Variants in INSYN2B observed in about 807,000 individuals in gnomAD.
INSYN2B encodes protein INSYN2B.
Under a neutral mutation model 41.2 loss-of-function variants are expected in INSYN2B, and 16 were observed. The observed-to-expected ratio is 0.39, with a 90% CI of 0.26 to 0.59. The LOEUF (loss-of-function observed/expected upper bound fraction) is 0.59. Ranked by LOEUF, INSYN2B falls within the 20% of genes least tolerant of loss-of-function variation. INSYN2B has a pLI of 0.57. For missense variants in INSYN2B, 608 were observed against 646.4 expected, an observed-to-expected ratio of 0.94 and a Z score of 0.64; for synonymous variants, 245 against 244.4, an observed-to-expected ratio of 1.00 and a Z score of -0.02.
At chr5:169,915,805 A>T (rs375245079) in intron 1 of INSYN2B, among the ~76,000 whole-genome samples, 1 of 152,212 alleles carries the variant, frequency 6.6e-6, no homozygotes, top group East Asian at 1.9e-4. Context: ...GATATCCCAA[A>T]ACTGAGCTGG....
At chr5:169,869,073 A>T (rs1324654657) in intron 3 of INSYN2B, among the ~76,000 whole-genome samples, 2 of 152,124 alleles carry the variant, frequency 1.3e-5, no homozygotes, top group Admixed American at 6.5e-5. Flanking sequence ...AGCTGAAATC[A>T]CTGCACATGG....
intron 1 of INSYN2B, among the ~76,000 whole-genome samples, chr5:169,975,090 TA>T (rs1777668607): frequency 6.6e-6 from 1 of 152,126 alleles, no homozygotes; most frequent in Non-Finnish European, 1.5e-5. Context: ...AATGTAAAAC[TA>T]AAGTCCATGC....
intron 1 of INSYN2B, among the ~76,000 whole-genome samples, chr5:169,973,520 AAG>A (rs1233728105): frequency 1.3e-5 from 2 of 152,096 alleles, no homozygotes; most frequent in Non-Finnish European, 2.9e-5. Flanking sequence ...CCCATTCACA[AAG>A]AGAGAACTGA....
At chr5:169,961,173 T>C (rs1215584062) in intron 1 of INSYN2B, among the ~76,000 whole-genome samples, 2 of 152,214 alleles carry the variant, frequency 1.3e-5, no homozygotes, top group Non-Finnish European at 2.9e-5. Context: ...TCATTGGCCA[T>C]AGATGAGGGG....
intron 1 of INSYN2B, among the ~76,000 whole-genome samples, chr5:169,901,814 CT>C (rs1349932263): frequency 2.0e-5 from 3 of 152,188 alleles, no homozygotes; most frequent in African/African-American, 7.2e-5. Flanking sequence ...TTTCTGGACC[CT>C]CAGCCATGTG....
chr5:169,908,116 T>C (rs1774395938), intron 1 of INSYN2B, among the ~76,000 whole-genome samples: 1 of 152,214 alleles, frequency 6.6e-6, no homozygotes, highest in Non-Finnish European at 1.5e-5. Context: ...CAATGTATTC[T>C]GCAGCCCCAT....
chr5:169,948,078 G>T (rs931001938), intron 1 of INSYN2B, among the ~76,000 whole-genome samples: 1 of 152,200 alleles, frequency 6.6e-6, no homozygotes, highest in African/African-American at 2.4e-5. Flanking sequence ...GGCACCGAGA[G>T]AAGAGCCAGG....
At chr5:169,941,035 G>T (rs1461183571) in intron 1 of INSYN2B, among the ~76,000 whole-genome samples, 1 of 152,212 alleles carries the variant, frequency 6.6e-6, no homozygotes, top group Non-Finnish European at 1.5e-5. Context: ...CTGCCCTCAT[G>T]AAGTGTGCTT....
chr5:169,940,532 T>C (rs1776198145), intron 1 of INSYN2B, among the ~76,000 whole-genome samples: 1 of 152,180 alleles, frequency 6.6e-6, no homozygotes, highest in African/African-American at 2.4e-5. Context: ...CACCTTAATG[T>C]AGAATCAATG....
intron 1 of INSYN2B, among the ~76,000 whole-genome samples, chr5:169,898,645 G>A (rs1227203120): frequency 1.3e-5 from 2 of 151,892 alleles, no homozygotes; most frequent in Non-Finnish European, 1.5e-5. Context: ...CTATATCAGG[G>A]GTCAAAAAAC....
At chr5:169,954,213 T>A (rs897577872) in intron 1 of INSYN2B, among the ~76,000 whole-genome samples, 1 of 152,248 alleles carries the variant, frequency 6.6e-6, no homozygotes, top group Admixed American at 6.5e-5. Context: ...TGGCTGTGAC[T>A]AACTCATGGC....
intron 1 of INSYN2B, among the ~76,000 whole-genome samples, chr5:169,911,113 T>G (rs1298750156): frequency 6.6e-6 from 1 of 152,232 alleles, no homozygotes; most frequent in Non-Finnish European, 1.5e-5. Flanking sequence ...TTTTCTAGGT[T>G]TATTTCTTCA....
intron 1 of INSYN2B, among the ~76,000 whole-genome samples, chr5:169,930,209 C>G (rs1467465386): frequency 6.6e-6 from 1 of 152,110 alleles, no homozygotes; most frequent in Non-Finnish European, 1.5e-5. Context: ...CTAGGATGGT[C>G]TCAATCTCCT....
intron 1 of INSYN2B, among the ~76,000 whole-genome samples, chr5:169,896,875 G>A (rs116158339): frequency 0.044 from 6,348 of 145,278 alleles, 167 homozygotes; most frequent in Non-Finnish European, 0.062. Flanking sequence ...GTAGATGACA[G>A]AAGATGAGAG....
At chr5:169,948,401 T>C (rs1256488552) in intron 1 of INSYN2B, among the ~76,000 whole-genome samples, 1 of 152,126 alleles carries the variant, frequency 6.6e-6, no homozygotes, top group Non-Finnish European at 1.5e-5. Flanking sequence ...CCTTTCTCTG[T>C]TTTTTCATAC....
In INSYN2B at chr5:169,882,601, A is replaced by C; in HGVS notation, c.1298T>G (p.Leu433Arg). Residue 433 changes from leucine to arginine, a missense_variant, in exon 2 of 4, where the codon CTT becomes CGT. Coordinates refer to ENST00000377365, the MANE Select transcript of INSYN2B (RefSeq NM_001129891.3). Reference protein sequence around the residue: ...LHSNQEKIKVLLNVIQDLEKA... With the variant: ...LHSNQEKIKVRLNVIQDLEKA... Reference sequence around the variant, plus strand: ...CTCCAAGTCTTGAATTACATTCAAAAGGACTTTAATTTTCTCTTGGTTCGA... The same window carrying C: ...CTCCAAGTCTTGAATTACATTCAAACGGACTTTAATTTTCTCTTGGTTCGA... The C allele has an allele frequency of 6.4e-7, 1 of 1,551,580 alleles. No individual in the cohort carries two copies. Among genetic ancestry groups the C allele is most frequent in the Non-Finnish European group, 8.7e-7 (1 of 1,146,814 alleles).
chr5:169,887,332 T>C (rs376781263), intron 1 of INSYN2B, among the ~76,000 whole-genome samples: 47 of 152,330 alleles, frequency 3.1e-4, no homozygotes, highest in African/African-American at 1.1e-3. Flanking sequence ...ATTTGTTCAT[T>C]GTAAAAATTC....
intron 3 of INSYN2B, among the ~76,000 whole-genome samples, chr5:169,873,842 G>A (rs1375076903): frequency 6.6e-6 from 1 of 152,124 alleles, no homozygotes; most frequent in Non-Finnish European, 1.5e-5. Context: ...GACCTCAAGC[G>A]GCTCACACAG....
Position 169,882,763 on chromosome 5 carries a change from A to T in INSYN2B, c.1136T>A (p.Leu379His). 1 of 1,551,558 alleles carries T rather than the reference A, an allele frequency of 6.4e-7. No homozygotes were observed. The highest frequency in any genetic ancestry group is 8.7e-7 in the Non-Finnish European group (1 of 1,146,930). ...EFPNCPGSNHLPSSLSRSETK... is the reference protein window; with the variant it reads ...EFPNCPGSNHHPSSLSRSETK... ...CTCACTCCTTGAAAGAGAGGATGGG[A>T]GATGATTACTTCCTGGACAATTTGG... Residue 379 changes from leucine (L) to histidine (H), a missense_variant, in exon 2 of 4, where the codon CTC (leucine) becomes CAC (histidine). Coordinates refer to ENST00000377365, the MANE Select transcript of INSYN2B (RefSeq NM_001129891.3).
Sources: gnomAD v4.1 joint callset for allele counts (sites outside exome capture counted in the v4.1 genomes callset) on GRCh38, gnomAD v4.1.1 for gene constraint, MANE v1.5 for transcripts, NCBI Gene and HGNC (gene_info 2026-07-23, HGNC 2026-07-21) for gene names.